LRRC49: variants seen among roughly 807,000 people sequenced by gnomAD.
The protein encoded by LRRC49 is leucine rich repeat containing 49, also known as leucine-rich repeat-containing protein 49.
A neutral mutation model predicts 83.3 loss-of-function variants in LRRC49; 50 were observed. The ratio of observed to expected loss-of-function variants is 0.60; its 90% CI spans 0.48 to 0.76. The LOEUF is 0.76. Among genes scored for constraint, LRRC49 ranks in the 30% least tolerant of loss-of-function variants. The pLI, the probability that LRRC49 is intolerant of heterozygous loss-of-function variation, is 0.00. For synonymous variants in LRRC49, 286 were observed against 283.3 expected (o/e 1.01, Z -0.10); for missense variants, 704 against 809.1 (o/e 0.87, Z 1.58).
rs139418769 is a variant in LRRC49, at chr15:70,872,132, G to A, written c.-298-776G>A. Among the ~76,000 whole-genome samples the A allele has an allele frequency of 3.8e-4, 58 of 152,342 alleles. 3 individuals carry two copies. In the East Asian group the frequency reaches 0.011, roughly 28 times the overall value. ...TTGAGCACTGAGTGAGCAAGACTCC[G>A]TCTGCAATCCTGGCACCTCGGGAGG... is the stretch of plus-strand genomic sequence containing the variant. On this transcript the variant is annotated intron_variant, in intron 1 of 16. Transcript: ENST00000544974.
chr15:70,877,774 G>T (rs2033181819), intron 2 of LRRC49, among the ~76,000 whole-genome samples: 1 of 152,154 alleles, frequency 6.6e-6, no homozygotes, highest in African/African-American at 2.4e-5. Flanking sequence ...GTAGTATTTT[G>T]TATTACTACC....
Position 71,024,928 on chromosome 15 carries a change from C to T in LRRC49, c.1703+12015C>T, listed in dbSNP as rs1018507652. Among the ~76,000 whole-genome samples, 3 of 152,082 alleles carry T rather than the reference C, an allele frequency of 2.0e-5. No homozygotes were observed. The East Asian group carries it at 5.8e-4, about 29-fold the overall frequency. The stretch of plus-strand genomic sequence containing the variant: ...CACAAGTATCAATAACTGAATATAC[C>T]AAGCAGAGTAAAGAATTTCAGAGCT... On this transcript the variant is annotated intron_variant, in intron 14 of 15. Transcript: ENST00000260382.
At chr15:70,880,805 A>G (rs1377904627) in intron 2 of LRRC49, among the ~76,000 whole-genome samples, 1 of 152,230 alleles carries the variant, frequency 6.6e-6, no homozygotes, top group Non-Finnish European at 1.5e-5. Context: ...AAATTTGGGG[A>G]CAAATGGGCA....
intron 11 of LRRC49, among the ~76,000 whole-genome samples, chr15:71,000,372 A>T (rs1300246204): frequency 6.6e-6 from 1 of 152,196 alleles, no homozygotes; most frequent in Non-Finnish European, 1.5e-5. Flanking sequence ...AATGTCATTT[A>T]TATCTGTTCT....
At chr15:71,032,209 C>T (rs913632184) in intron 14 of LRRC49, among the ~76,000 whole-genome samples, 3 of 152,188 alleles carry the variant, frequency 2.0e-5, no homozygotes, top group Non-Finnish European at 4.4e-5. Flanking sequence ...CAGTCCCTCA[C>T]GGCTTCCCTT....
At chr15:70,965,014 C>T (rs1487143703) in intron 9 of LRRC49, among the ~76,000 whole-genome samples, 1 of 152,148 alleles carries the variant, frequency 6.6e-6, no homozygotes, top group Non-Finnish European at 1.5e-5. Flanking sequence ...TTCTGCCTCT[C>T]TCTCTATTCC....
In LRRC49 at chr15:71,050,512, A is replaced by T. The variant is rs1203290467; in HGVS notation, c.*900A>T. ...GTGAGAAGGGTAGTAGGAGCCTATT[A>T]CCATAGCTAGAGATGATGCCACTTC... On this transcript the variant is annotated 3_prime_UTR_variant, in exon 16 of 16. Coordinates refer to ENST00000260382, the MANE Select transcript of LRRC49 (RefSeq NM_017691.5). 6.6e-6 allele frequency: 1 copy of T among 152,218 alleles called. No homozygotes were observed. The highest frequency in any genetic ancestry group is 1.9e-4 in the East Asian group (1 of 5,198). The allele number at this position is 152,218 out of a possible 1,614,324, so 9.4% of individuals were successfully genotyped here. A position where few individuals can be genotyped will look rare whatever the true frequency, so the allele number is the denominator to read the frequency against.
chr15:71,023,766 G>A (rs117759774), intron 14 of LRRC49, among the ~76,000 whole-genome samples: 2 of 152,368 alleles, frequency 1.3e-5, no homozygotes, highest in Non-Finnish European at 2.9e-5. Flanking sequence ...GCACAGAGCT[G>A]TGCAGATTCT....
rs532416144 is a variant in LRRC49 at position 70,906,509 on chromosome 15, T to G, written c.500+1754T>G. ...TTCCCTGCTTTTAGTCCTGAGTTAATATTTTTAGTGATATTTAAAATCACT... is the reference window on the plus strand; with the variant it reads ...TTCCCTGCTTTTAGTCCTGAGTTAAGATTTTTAGTGATATTTAAAATCACT... On this transcript the variant is annotated intron_variant, in intron 5 of 15. Transcript: ENST00000260382. 6.6e-5 allele frequency among the ~76,000 whole-genome samples: 10 copies of G among 152,358 alleles called. No homozygotes were observed. The East Asian group carries it at 1.9e-3, about 29-fold the overall frequency.
chr15:71,048,184 C>A (rs1384116267), intron 15 of LRRC49, among the ~76,000 whole-genome samples: 1 of 149,508 alleles, frequency 6.7e-6, no homozygotes, highest in Non-Finnish European at 1.5e-5. Context: ...AACTCCTGGG[C>A]TCAAACGATT....
rs2039640963 is a variant in LRRC49, at chr15:71,039,770, A to G, written c.1857+2438A>G. ...AGTAAATCTAAACATGCCAATTTAC[A>G]TTAAAGAAATTTAGTAAAATATCGA... On this transcript the variant is annotated intron_variant, in intron 15 of 15. Coordinates refer to ENST00000260382, the MANE Select transcript of LRRC49 (RefSeq NM_017691.5). 2.0e-5 allele frequency among the ~76,000 whole-genome samples: 3 copies of G among 152,230 alleles called. No individual in the cohort carries two copies. The South Asian group carries it at 6.2e-4, about 31-fold the overall frequency.
At chr15:70,957,123 A>G (rs1403668026) in intron 8 of LRRC49, among the ~76,000 whole-genome samples, 2 of 152,184 alleles carry the variant, frequency 1.3e-5, no homozygotes, top group African/African-American at 4.8e-5. Context: ...GTGTGACACC[A>G]CCCATTCTTA....
chr15:70,967,952 C>CT (rs58530738), intron 9 of LRRC49, among the ~76,000 whole-genome samples: 229 of 141,902 alleles, frequency 1.6e-3, no homozygotes, highest in Middle Eastern at 3.6e-3. Flanking sequence ...GATGAAGTAA[C>CT]TTTTTTTTTT....
chr15:70,939,124 C>A (rs2035709235), intron 8 of LRRC49, among the ~76,000 whole-genome samples: 2 of 152,154 alleles, frequency 1.3e-5, no homozygotes, highest in South Asian at 4.1e-4. Flanking sequence ...TTGAAAAATT[C>A]TGTGAGATAT....
chr15:70,871,768 C>CG (rs913453962), intron 1 of LRRC49, among the ~76,000 whole-genome samples: 1 of 150,486 alleles, frequency 6.6e-6, no homozygotes, highest in Admixed American at 6.6e-5. Context: ...GGGCCGCGGC[C>CG]GGGCAGAGGC....
intron 8 of LRRC49, among the ~76,000 whole-genome samples, chr15:70,946,998 A>G (rs1170633143): frequency 1.3e-5 from 2 of 152,132 alleles, no homozygotes; most frequent in African/African-American, 4.8e-5. Context: ...TAGTTTAGGA[A>G]TATCCTGGGA....
chr15:70,961,110 A>T (rs1692127521), intron 8 of LRRC49, among the ~76,000 whole-genome samples: 1 of 152,194 alleles, frequency 6.6e-6, no homozygotes, highest in African/African-American at 2.4e-5. Context: ...AATTTAAAAT[A>T]GGCAAAAGAG....
intron 9 of LRRC49, among the ~76,000 whole-genome samples, chr15:70,976,459 A>G (rs1596088202): frequency 6.6e-6 from 1 of 152,334 alleles, no homozygotes; most frequent in African/African-American, 2.4e-5. Context: ...TTAAAATTTC[A>G]TAAAATGCTG....
chr15:70,941,010 G>A (rs1038765145), intron 8 of LRRC49, among the ~76,000 whole-genome samples: 3 of 152,088 alleles, frequency 2.0e-5, no homozygotes, highest in African/African-American at 7.2e-5. Flanking sequence ...TTAAAAATAG[G>A]GGCATTTGTT....
Sources: allele counts gnomAD v4.1 joint callset (sites outside exome capture counted in the v4.1 genomes callset), GRCh38; gene constraint gnomAD v4.1.1; transcripts MANE v1.5; gene names NCBI Gene and HGNC (gene_info 2026-07-23, HGNC 2026-07-21).